RSRC1: variants seen among roughly 807,000 people sequenced by gnomAD.
RSRC1 encodes the protein arginine and serine rich coiled-coil 1.
Under a neutral mutation model 49.1 loss-of-function variants are expected in RSRC1, and 39 were observed. That is an observed-to-expected ratio of 0.79 (90% CI 0.61 to 1.04). RSRC1 has a LOEUF of 1.04. RSRC1 is among the 50% of genes least tolerant of loss of function. The probability of loss-of-function intolerance (pLI) is 0.00; values close to 1 mark genes in which losing one functional copy is unlikely to be tolerated. For missense variants in RSRC1, 388 were observed against 402.4 expected (o/e 0.96, Z 0.31); for synonymous variants, 143 against 130.8 (o/e 1.09, Z -0.63).
intron 5 of RSRC1, among the ~76,000 whole-genome samples, chr3:158,353,202 C>G (rs540827159): frequency 2.0e-5 from 3 of 152,250 alleles, no homozygotes; most frequent in African/African-American, 7.2e-5. Flanking sequence ...TTAATTGCCA[C>G]CTAACTGAGC....
chr3:158,304,664 C>T (rs927268729), intron 5 of RSRC1, among the ~76,000 whole-genome samples: 11 of 152,050 alleles, frequency 7.2e-5, no homozygotes, highest in South Asian at 2.1e-4. Flanking sequence ...CTCATGTCAC[C>T]CTTTAAGGAT....
At chr3:158,294,061 A>AT (rs1440810210) in intron 4 of RSRC1, among the ~76,000 whole-genome samples, 1 of 151,940 alleles carries the variant, frequency 6.6e-6, no homozygotes, top group Non-Finnish European at 1.5e-5. Context: ...AGATTTGAAT[A>AT]TTTTTATATC....
intron 5 of RSRC1, among the ~76,000 whole-genome samples, chr3:158,326,538 A>C (rs1729155981): frequency 6.6e-6 from 1 of 151,568 alleles, no homozygotes; most frequent in Non-Finnish European, 1.5e-5. Context: ...ACATTTATTG[A>C]TTTGTGTATG....
chr3:158,363,585 T>C (rs754459146), intron 6 of RSRC1, among the ~76,000 whole-genome samples: 17 of 152,194 alleles, frequency 1.1e-4, no homozygotes, highest in Non-Finnish European at 2.2e-4. Flanking sequence ...TTCTAATTCA[T>C]AAGTTAAATA....
chr3:158,479,471 T>C (rs191565521), intron 7 of RSRC1, among the ~76,000 whole-genome samples: 95 of 151,970 alleles, frequency 6.3e-4, no homozygotes, highest in African/African-American at 2.2e-3. Flanking sequence ...TGGTTTAACA[T>C]ATCCAAGTTA....
At chr3:158,394,567 A>C (rs1419941997) in intron 6 of RSRC1, among the ~76,000 whole-genome samples, 1 of 152,158 alleles carries the variant, frequency 6.6e-6, no homozygotes, top group Non-Finnish European at 1.5e-5. Context: ...GAGCCAAATC[A>C]AGAACACAAT....
chr3:158,314,159 C>T (rs1338066199), intron 5 of RSRC1, among the ~76,000 whole-genome samples: 1 of 152,128 alleles, frequency 6.6e-6, no homozygotes, highest in Non-Finnish European at 1.5e-5. Context: ...GGCACGATCT[C>T]AGCTCACCGC....
At chr3:158,280,637 CTTTTTTTTTTTTTTT>C (rs146925471) in intron 4 of RSRC1, among the ~76,000 whole-genome samples, 11 of 63,984 alleles carry the variant, frequency 1.7e-4, no homozygotes, top group South Asian at 6.8e-4. Flanking sequence ...GAAGTGATTC[CTTTTTTTTTTTTTTT>C]TTTTTTTTTT....
chr3:158,183,653 A>G (rs540317439), intron 3 of RSRC1, among the ~76,000 whole-genome samples: 78 of 152,344 alleles, frequency 5.1e-4, no homozygotes, highest in South Asian at 2.9e-3. Context: ...TCGGTGGCTC[A>G]TGCCTGTAAT....
At chr3:158,141,262 C>T (rs559937069) in intron 3 of RSRC1, among the ~76,000 whole-genome samples, 1 of 152,104 alleles carries the variant, frequency 6.6e-6, no homozygotes, top group Non-Finnish European at 1.5e-5. Context: ...TGGATCATGG[C>T]AGGAAAATCT....
chr3:158,487,648 A>T (rs992014716), intron 7 of RSRC1, among the ~76,000 whole-genome samples: 5 of 152,016 alleles, frequency 3.3e-5, no homozygotes, highest in African/African-American at 7.2e-5. Flanking sequence ...ATGAAGTCAA[A>T]AAAGTGCCTG....
intron 3 of RSRC1, among the ~76,000 whole-genome samples, chr3:158,149,680 C>G (rs1717400865): frequency 6.6e-6 from 1 of 152,098 alleles, no homozygotes; most frequent in African/African-American, 2.4e-5. Flanking sequence ...TTCAGATTTC[C>G]TTAAACATTA....
chr3:158,320,628 A>C (rs1728705793), intron 5 of RSRC1, among the ~76,000 whole-genome samples: 1 of 152,170 alleles, frequency 6.6e-6, no homozygotes, highest in South Asian at 2.1e-4. Flanking sequence ...CATCAGGACC[A>C]CATGAGAAAT....
intron 4 of RSRC1, among the ~76,000 whole-genome samples, chr3:158,279,518 T>C (rs954779097): frequency 6.6e-6 from 1 of 152,276 alleles, no homozygotes; most frequent in Non-Finnish European, 1.5e-5. Flanking sequence ...ATTTGTACTT[T>C]CGGCTCAATA....
intron 5 of RSRC1, among the ~76,000 whole-genome samples, chr3:158,350,162 A>G (rs1301193851): frequency 1.9e-5 from 2 of 104,542 alleles, no homozygotes; most frequent in African/African-American, 3.4e-5. Flanking sequence ...AACAACAGAA[A>G]TATATATATA....
chr3:158,245,903 C>T (rs1405990116), intron 4 of RSRC1, among the ~76,000 whole-genome samples: 1 of 152,130 alleles, frequency 6.6e-6, no homozygotes, highest in Non-Finnish European at 1.5e-5. Context: ...TTTCCATTTG[C>T]TTGGTAAATT....
intron 6 of RSRC1, among the ~76,000 whole-genome samples, chr3:158,374,411 T>C (rs1578401099): frequency 6.6e-6 from 1 of 152,162 alleles, no homozygotes; most frequent in Non-Finnish European, 1.5e-5. Context: ...GTTGCTCTTT[T>C]GTATGGTTCT....
intron 4 of RSRC1, among the ~76,000 whole-genome samples, chr3:158,205,696 G>A (rs956378640): frequency 6.6e-6 from 1 of 152,074 alleles, no homozygotes; most frequent in Non-Finnish European, 1.5e-5. Flanking sequence ...ATTAAACCAA[G>A]GGTCAGCAAA....
At chr3:158,455,183 T>C (rs1329776670) in intron 6 of RSRC1, among the ~76,000 whole-genome samples, 1 of 152,174 alleles carries the variant, frequency 6.6e-6, no homozygotes, top group African/African-American at 2.4e-5. Flanking sequence ...CTAATCATTT[T>C]TCTATGCTTT....
Sources: allele counts gnomAD v4.1 joint callset (sites outside exome capture counted in the v4.1 genomes callset), GRCh38; gene constraint gnomAD v4.1.1; transcripts MANE v1.5; gene names NCBI Gene and HGNC (gene_info 2026-07-23, HGNC 2026-07-21).